The following XDH variants were observed in gnomAD, a reference collection of about 807,000 sequenced individuals.
XDH encodes the protein xanthine dehydrogenase, also known as xanthine dehydrogenase/oxidase.
XDH carries 138 observed loss-of-function variants against 156.1 expected under a neutral mutation model. The ratio of observed to expected loss-of-function variants is 0.88; its 90% CI spans 0.77 to 1.02. The LOEUF (loss-of-function observed/expected upper bound fraction) is 1.02, where lower values mean the gene tolerates loss of function less well. Ranked by LOEUF, XDH falls within the 50% of genes least tolerant of loss-of-function variation. XDH has a pLI of 0.00. For synonymous variants in XDH, 669 were observed against 625.7 expected (o/e 1.07, Z -1.03); for missense variants, 1,849 against 1,684.9 (o/e 1.10, Z -1.71).
At position 31,375,372 on chromosome 2, in the gene XDH, C is replaced by T. The variant is rs1686216595; in HGVS notation, c.1602+8G>A. 2 of 1,614,012 alleles carry T rather than the reference C, an allele frequency of 1.2e-6. No homozygotes were observed. The highest frequency in any genetic ancestry group is 1.3e-5 in the African/African-American group (1 of 74,898). On this transcript the variant is annotated splice_region_variant and intron_variant, in intron 15 of 35. Transcript: ENST00000379416. ...CAGAGAGCCTGTGCCTGGCCAGGCC[C>T]CACTCACGTCTTCCAGGTTCTCTTG...
At chr2:31,386,148 A>G (rs1257305885) in intron 9 of XDH, among the ~76,000 whole-genome samples, 3 of 152,230 alleles carry the variant, frequency 2.0e-5, no homozygotes, top group African/African-American at 7.2e-5. Flanking sequence ...TATAAAAAAC[A>G]GAAAATGAGG....
At chr2:31,341,533 G>A in intron 32 of XDH, 139 bp from the exon 33 acceptor site, 1 of 904,098 alleles carries the variant, frequency 1.1e-6, no homozygotes, top group Non-Finnish European at 1.8e-6. Context: ...GGTGTGCTCA[G>A]GCAGAAGTGT....
chr2:31,350,891 G>T (rs1324581428), intron 24 of XDH, among the ~76,000 whole-genome samples: 1 of 152,112 alleles, frequency 6.6e-6, no homozygotes, highest in Non-Finnish European at 1.5e-5. Flanking sequence ...GTAAGTCATG[G>T]TATGAAAAAC....
chr2:31,377,411 G>A (rs971598794), intron 13 of XDH, among the ~76,000 whole-genome samples, 174 bp from the exon 14 acceptor site: 2 of 152,030 alleles, frequency 1.3e-5, no homozygotes, highest in Non-Finnish European at 2.9e-5. Context: ...ACCTGTTTAG[G>A]AGAGGTTCCA....
At chr2:31,370,085 C>T (rs548273928) in intron 18 of XDH, among the ~76,000 whole-genome samples, 6 of 152,246 alleles carry the variant, frequency 3.9e-5, no homozygotes, top group African/African-American at 7.2e-5. Flanking sequence ...CCTTAAGAAC[C>T]GAATTGTTAG....
At chr2:31,342,865 C>T (rs1248587868) in intron 31 of XDH, among the ~76,000 whole-genome samples, 1 of 152,146 alleles carries the variant, frequency 6.6e-6, no homozygotes, top group Non-Finnish European at 1.5e-5. Context: ...GAAACAAATG[C>T]TCCCTTATAC....
chr2:31,409,417 C>T (rs1045170006), intron 1 of XDH, among the ~76,000 whole-genome samples: 1 of 152,104 alleles, frequency 6.6e-6, no homozygotes, highest in Non-Finnish European at 1.5e-5. Context: ...ATATGTAGAT[C>T]TACTATGTAC....
rs778668092 is a variant in XDH, at chr2:31,339,636, T to C, written c.3627A>G (p.Leu1209=). ...CCTCGGGGGAATAGTGTAGCTCCTC[T>C]AGGGTGAAGAGGCCAAGGCCCTGGA... ...AFVQGLGLFT[L]EELHYSPEGS... The change falls in exon 34 of 36, where the codon CTA becomes CTG. Residue 1209 remains leucine (L), a synonymous_variant. Coordinates refer to ENST00000379416, the MANE Select transcript of XDH (RefSeq NM_000379.4). 2.5e-6 allele frequency: 4 copies of C among 1,614,034 alleles called. No individual in the cohort carries two copies. The African/African-American group carries it at 5.3e-5, about 22-fold the overall frequency.
rs977831530 is a variant in XDH, at chr2:31,346,939, A to G, written c.3277-96T>C. On this transcript the variant is annotated intron_variant, in intron 29 of 35. Coordinates refer to ENST00000379416, the MANE Select transcript of XDH (RefSeq NM_000379.4). ...GGCCCCAGCAAGGCTACCTCCAAGC[A>G]ATGCTGTACCCAGGGTGCCACTCAA... 5.2e-5 allele frequency: 79 copies of G among 1,513,134 alleles called. 2 individuals are homozygous for G. The highest frequency in any genetic ancestry group is 8.5e-5 in the Admixed American group (5 of 58,860). 93.7% of individuals were successfully genotyped at this position (1,513,134 alleles called of 1,614,324 possible).
intron 11 of XDH, among the ~76,000 whole-genome samples, 178 bp downstream of exon 11, chr2:31,382,823 T>A (rs1268388633): frequency 6.6e-6 from 1 of 152,136 alleles, no homozygotes; most frequent in Non-Finnish European, 1.5e-5. Context: ...GACCCATGTA[T>A]CAGAATCTCT....
chr2:31,339,759 C>T lies in XDH; in HGVS notation c.3586-82G>A, dbSNP rs1388023054. The T allele has an allele frequency of 3.9e-5, 60 of 1,555,956 alleles. No individual in the cohort carries two copies. The South Asian group carries it at 4.3e-4, about 11-fold the overall frequency. ...ACCACTTGCCACAATGGACACAAAG[C>T]GCCAACTGCAGCGCGGCCTGGAATG... On this transcript the variant is annotated intron_variant, in intron 33 of 35. Transcript: ENST00000379416.
At chr2:31,378,117 AGGAAGGAAGGAAGGAAGGAAGG>A (rs1686313448) in intron 13 of XDH, among the ~76,000 whole-genome samples, 1 of 36,478 alleles carries the variant, frequency 2.7e-5, no homozygotes. Flanking sequence ...AAAGGAAGGA[AGGAAGGAAGGAAGGAAGGAAGG>A]AAGGAAGGAA....
chr2:31,347,403 A>G, intron 29 of XDH, 119 bp downstream of exon 29: 1 of 1,462,952 alleles, frequency 6.8e-7, no homozygotes, highest in Non-Finnish European at 9.3e-7. Flanking sequence ...AGGGAGCCAG[A>G]GGCCTGGCCA....
chr2:31,339,536 A>T lies in XDH; in HGVS notation c.3727T>A (p.Ser1243Thr). The stretch of plus-strand genomic sequence containing the variant: ...TTGTTGGGGCAGTCGCGGAGCAGGG[A>T]CACCCTGAACTCAATGGGGATGCTG... ...FGSIPIEFRV[S>T]LLRDCPNKKA... Residue 1243 changes from serine to threonine, a missense_variant, in exon 34 of 36, where the codon TCC becomes ACC. Transcript: ENST00000379416. The T allele has an allele frequency of 6.2e-7, 1 of 1,614,208 alleles. No individual in the cohort carries two copies. The highest frequency in any genetic ancestry group is 1.3e-5 in the African/African-American group (1 of 75,062).
At chr2:31,411,922 T>C (rs1427645444) in intron 1 of XDH, among the ~76,000 whole-genome samples, 1 of 152,106 alleles carries the variant, frequency 6.6e-6, no homozygotes, top group Non-Finnish European at 1.5e-5. Context: ...TGATAAATGT[T>C]GACTATATGG....
intron 17 of XDH, among the ~76,000 whole-genome samples, chr2:31,371,725 G>A (rs1158450705): frequency 1.3e-5 from 2 of 152,008 alleles, no homozygotes; most frequent in African/African-American, 4.8e-5. Context: ...TTAGATTTCA[G>A]CTGTGCCTGG....
intron 31 of XDH, among the ~76,000 whole-genome samples, chr2:31,344,102 C>T (rs1685216363): frequency 2.6e-5 from 4 of 152,100 alleles, no homozygotes; most frequent in Admixed American, 2.6e-4. Context: ...TGGGCAGGGT[C>T]TCTAGCTATT....
rs1197861525 is a variant in XDH at position 31,349,931 on chromosome 2, G to T, written c.2824-100C>A. 3.7e-6 allele frequency: 6 copies of T among 1,611,326 alleles called. 1 individual carries two copies. The Admixed American group carries it at 1.0e-4, about 27-fold the overall frequency. ...GCTTCCAACCCCCTCAGCAGCCCCT[G>T]CCTGTCATCTGCCCCCATGGGAGAT... On this transcript the variant is annotated intron_variant, in intron 25 of 35. Transcript: ENST00000379416.
rs377748577 is a variant in XDH, at chr2:31,398,605, G to A, written c.401C>T (p.Pro134Leu). ...MYTLLRNQPE[P>L]TMEEIENAFQ... ...GGCATTCTCAATCTCCTCCATGGTGGGCTCGGGCTGATTCCGGAGCAGTGT... is the reference window on the plus strand; with the variant it reads ...GGCATTCTCAATCTCCTCCATGGTGAGCTCGGGCTGATTCCGGAGCAGTGT... Residue 134 changes from proline to leucine, a missense_variant, in exon 5 of 36, where the codon CCC becomes CTC. By Grantham distance (98) the Pro-to-Leu change is moderately conservative. Coordinates refer to ENST00000379416, the MANE Select transcript of XDH (RefSeq NM_000379.4). 181 of 1,614,038 alleles carry A rather than the reference G, an allele frequency of 1.1e-4. 1 individual carries two copies. Among genetic ancestry groups the A allele is most frequent in the Middle Eastern group, 4.9e-4 (3 of 6,084 alleles).
Sources: gnomAD v4.1 joint callset for allele counts (sites outside exome capture counted in the v4.1 genomes callset) on GRCh38, gnomAD v4.1.1 for gene constraint, MANE v1.5 for transcripts, NCBI Gene and HGNC (gene_info 2026-07-23, HGNC 2026-07-21) for gene names.